Variants in GATAD2B observed in about 807,000 individuals in gnomAD.
GATAD2B encodes the protein GATA zinc finger domain containing 2B.
GATAD2B carries 8 observed loss-of-function variants against 64.3 expected under a neutral mutation model. The ratio of observed to expected loss-of-function variants is 0.12; its 90% CI spans 0.07 to 0.22. The LOEUF (loss-of-function observed/expected upper bound fraction) is 0.22, where lower values mean the gene tolerates loss of function less well. GATAD2B is among the 10% of genes least tolerant of loss of function. The pLI, the probability that GATAD2B is intolerant of heterozygous loss-of-function variation, is 1.00. For missense variants in GATAD2B, 453 were observed against 752.0 expected, an observed-to-expected ratio of 0.60 and a Z score of 4.65; for synonymous variants, 281 against 271.3, an observed-to-expected ratio of 1.04 and a Z score of -0.35.
intron 1 of GATAD2B, among the ~76,000 whole-genome samples, chr1:153,918,769 A>G (rs1272129247): frequency 1.3e-5 from 2 of 152,146 alleles, no homozygotes; most frequent in Non-Finnish European, 2.9e-5. Flanking sequence ...CCTGGCCAAC[A>G]TGGTGAAACC....
intron 1 of GATAD2B, among the ~76,000 whole-genome samples, chr1:153,873,421 T>C (rs1676729505): frequency 6.6e-6 from 1 of 152,208 alleles, no homozygotes; most frequent in African/African-American, 2.4e-5. Context: ...GCGAGACCTT[T>C]AGGAAGTGCT....
At chr1:153,848,909 C>T (rs1415426850) in intron 1 of GATAD2B, among the ~76,000 whole-genome samples, 1 of 152,046 alleles carries the variant, frequency 6.6e-6, no homozygotes, top group African/African-American at 2.4e-5. Context: ...GCCAATATCG[C>T]GCCACTGCAC....
chr1:153,842,809 C>T (rs1164791739), intron 1 of GATAD2B, among the ~76,000 whole-genome samples: 1 of 152,028 alleles, frequency 6.6e-6, no homozygotes, highest in South Asian at 2.1e-4. Context: ...CCTGCCACCA[C>T]TCCTGGCTAA....
chr1:153,922,272 T>TG (rs1557838511), intron 1 of GATAD2B, among the ~76,000 whole-genome samples: 1 of 125,826 alleles, frequency 7.9e-6, no homozygotes, highest in Non-Finnish European at 1.7e-5. Flanking sequence ...AGGGCACCAC[T>TG]GGGGGTGGAG....
At chr1:153,827,330 T>A (rs188277735) in intron 2 of GATAD2B, among the ~76,000 whole-genome samples, 1 of 151,834 alleles carries the variant, frequency 6.6e-6, no homozygotes, top group African/African-American at 2.4e-5. Flanking sequence ...ATACTATGAT[T>A]CACTGCACAG....
chr1:153,831,562 A>G (rs999713160), intron 1 of GATAD2B, among the ~76,000 whole-genome samples: 1 of 152,204 alleles, frequency 6.6e-6, no homozygotes, highest in Non-Finnish European at 1.5e-5. Flanking sequence ...CAATTCACCT[A>G]TGTAAAGTGT....
intron 1 of GATAD2B, among the ~76,000 whole-genome samples, chr1:153,909,845 G>A (rs1345937612): frequency 2.0e-5 from 3 of 151,750 alleles, no homozygotes; most frequent in Admixed American, 1.3e-4. Flanking sequence ...TTACTTGGGA[G>A]GCTGAGGCAG....
intron 1 of GATAD2B, among the ~76,000 whole-genome samples, chr1:153,879,719 C>A (rs968409004): frequency 1.4e-5 from 2 of 146,572 alleles, no homozygotes; most frequent in Non-Finnish European, 3.0e-5. Flanking sequence ...GCCAACAATG[C>A]GCCACTGCAC....
At chr1:153,834,049 C>A (rs926757070) in intron 1 of GATAD2B, among the ~76,000 whole-genome samples, 2 of 151,358 alleles carry the variant, frequency 1.3e-5, no homozygotes, top group African/African-American at 4.9e-5. Context: ...GTTGCCCAGT[C>A]TGGAGTGCAG....
chr1:153,858,831 G>T (rs761374300), intron 1 of GATAD2B, among the ~76,000 whole-genome samples: 1 of 152,156 alleles, frequency 6.6e-6, no homozygotes, highest in Admixed American at 6.6e-5. Context: ...ATGAAAAGGG[G>T]TCAGAGAGTG....
intron 1 of GATAD2B, among the ~76,000 whole-genome samples, chr1:153,876,235 A>AAAAAAAC (rs1676828560): frequency 8.4e-6 from 1 of 119,396 alleles, no homozygotes; most frequent in Non-Finnish European, 1.7e-5. Context: ...CTCAAAAAAA[A>AAAAAAAC]AAAAAAAAAA....
intron 1 of GATAD2B, among the ~76,000 whole-genome samples, chr1:153,915,741 T>TAAAAAA (rs56236211): frequency 2.6e-4 from 25 of 98,028 alleles, no homozygotes; most frequent in African/African-American, 3.4e-4. Flanking sequence ...CTTGTCTATA[T>TAAAAAA]AAAAAAAAAA....
intron 1 of GATAD2B, among the ~76,000 whole-genome samples, chr1:153,865,945 C>T (rs1183441157): frequency 1.3e-5 from 2 of 152,134 alleles, no homozygotes; most frequent in African/African-American, 4.8e-5. Flanking sequence ...TGGCTCATGC[C>T]TGTAATCCCA....
At chr1:153,901,428 AGG>A (rs1235664541) in intron 1 of GATAD2B, among the ~76,000 whole-genome samples, 3 of 152,104 alleles carry the variant, frequency 2.0e-5, no homozygotes, top group Non-Finnish European at 2.9e-5. Context: ...TGATGCGTAG[AGG>A]GGAAGTGCAT....
intron 2 of GATAD2B, among the ~76,000 whole-genome samples, chr1:153,826,505 G>C (rs2101890001): frequency 6.6e-6 from 1 of 152,266 alleles, no homozygotes. Flanking sequence ...GCACGCGCCT[G>C]TAATCTCAGC....
intron 2 of GATAD2B, among the ~76,000 whole-genome samples, chr1:153,826,868 G>A (rs560670950): frequency 6.6e-6 from 1 of 151,774 alleles, no homozygotes; most frequent in South Asian, 2.1e-4. Context: ...TTGAGCCCAG[G>A]AGTTGGTGGT....
chr1:153,858,730 C>G (rs1046398392), intron 1 of GATAD2B, among the ~76,000 whole-genome samples: 1 of 151,748 alleles, frequency 6.6e-6, no homozygotes, highest in Non-Finnish European at 1.5e-5. Flanking sequence ...GACCCTATCT[C>G]CAAAAAAGAA....
At chr1:153,916,850 C>T (rs1270268979) in intron 1 of GATAD2B, among the ~76,000 whole-genome samples, 1 of 152,132 alleles carries the variant, frequency 6.6e-6, no homozygotes, top group East Asian at 1.9e-4. Context: ...ACTCTGTTGA[C>T]CAGGCTAGAG....
intron 1 of GATAD2B, among the ~76,000 whole-genome samples, chr1:153,903,388 A>C (rs114394877): frequency 1.3e-5 from 2 of 152,146 alleles, no homozygotes; most frequent in Admixed American, 6.6e-5. Context: ...AAATAAACTC[A>C]TATCATTGCT....
Sources: allele counts gnomAD v4.1 joint callset (sites outside exome capture counted in the v4.1 genomes callset), GRCh38; gene constraint gnomAD v4.1.1; transcripts MANE v1.5; gene names NCBI Gene and HGNC (gene_info 2026-07-23, HGNC 2026-07-21).